The following HDAC1 variants were observed in gnomAD, a reference collection of about 807,000 sequenced individuals.
HDAC1 encodes protein deacetylase HDAC1.
A neutral mutation model predicts 65.5 loss-of-function variants in HDAC1; 18 were observed. That is an observed-to-expected ratio of 0.27 (90% CI 0.19 to 0.41). The LOEUF (loss-of-function observed/expected upper bound fraction) is 0.41. HDAC1 is among the 10% of genes least tolerant of loss of function. HDAC1 has a pLI of 1.00. For synonymous variants in HDAC1, 211 were observed against 227.9 expected (o/e 0.93, Z 0.67); for missense variants, 373 against 625.2 (o/e 0.60, Z 4.30).
At chr1:32,293,828 G>C (rs1219432497) in intron 1 of HDAC1, among the ~76,000 whole-genome samples, 1 of 151,796 alleles carries the variant, frequency 6.6e-6, no homozygotes, top group Non-Finnish European at 1.5e-5. Context: ...CTTGAACCCA[G>C]GAGGCAGAGG....
In HDAC1 at chr1:32,327,629, G is replaced by T; in HGVS notation, c.588G>T (p.Val196=). 1 of 1,614,072 alleles carries T rather than the reference G, an allele frequency of 6.2e-7. No individual in the cohort carries two copies. ...ACACCACGGACCGGGTCATGACTGT[G>T]TCCTTTCATAAGTATGGAGAGTACT... is the stretch of plus-strand genomic sequence containing the variant. ...AFYTTDRVMT[V]SFHKYGEYFP... The change falls in exon 6 of 14, where the codon GTG becomes GTT. Residue 196 remains valine (V), a synonymous_variant. Transcript: ENST00000373548. This position sits in a 1 kb window ranked among gnomAD's most constrained non-coding sequence, Gnocchi z 6.0.
Position 32,333,245 on chromosome 1 carries a change from T to C in HDAC1, c.*201T>C, listed in dbSNP as rs8176782. ...CCAGGAGCCACCTTGCCACCCATTC[T>C]TCCCGTTCTTAACTTTGAACCATAA... is the stretch of plus-strand genomic sequence containing the variant. On this transcript the variant is annotated 3_prime_UTR_variant, in exon 14 of 14. Coordinates refer to ENST00000373548, the MANE Select transcript of HDAC1 (RefSeq NM_004964.3). 2.7e-3 allele frequency: 1,294 copies of C among 471,070 alleles called. 12 individuals are homozygous for C. The highest frequency in any genetic ancestry group is 0.023 in the African/African-American group (1,164 of 50,300). The allele number at this position is 471,070 out of a possible 1,614,324, so 29.2% of individuals were successfully genotyped here. A position where few individuals can be genotyped will look rare whatever the true frequency, so the allele number is the denominator to read the frequency against.
rs1189647305 is a variant in HDAC1, at chr1:32,310,906, GAA to G, written c.163-5757_163-5756del. ...AAACAGGGAGAGGGAGGGAGAGAGA[GAA>G]AGACAAAGAAGGAAGGAAGAAAGGA... On this transcript the variant is annotated intron_variant, in intron 2 of 13. Transcript: ENST00000373548. Among the ~76,000 whole-genome samples the G allele has an allele frequency of 3.4e-5, 5 of 148,808 alleles. No homozygotes were observed. In the East Asian group the frequency reaches 9.8e-4, roughly 29 times the overall value.
At position 32,292,131 on chromosome 1, in the gene HDAC1, G is replaced by A. The variant is rs544927793; in HGVS notation, c.-39G>A. Reference sequence around the variant, plus strand: ...TGAGCGGAGCCGCGGGCGGGAGGGCGGACGGACCGACTGACGGTAGGGACG... The same window carrying A: ...TGAGCGGAGCCGCGGGCGGGAGGGCAGACGGACCGACTGACGGTAGGGACG... On this transcript the variant is annotated 5_prime_UTR_variant, in exon 1 of 14. Coordinates refer to ENST00000373548, the MANE Select transcript of HDAC1 (RefSeq NM_004964.3). 2.3e-5 allele frequency: 36 copies of A among 1,544,836 alleles called. No individual in the cohort carries two copies. In the East Asian group the frequency reaches 2.9e-4, roughly 13 times the overall value.
chr1:32,306,211 A>T (rs1469886435), intron 2 of HDAC1, among the ~76,000 whole-genome samples: 1 of 136,726 alleles, frequency 7.3e-6, no homozygotes, highest in African/African-American at 2.8e-5. Flanking sequence ...TTTTTTTGAG[A>T]CAGAGTTTTG....
chr1:32,328,929 G>A (rs952223346), intron 6 of HDAC1, 139 bp from the exon 7 acceptor site: 13 of 673,056 alleles, frequency 1.9e-5, no homozygotes, highest in African/African-American at 1.8e-4. Context: ...TACTAACAAG[G>A]TACCTCTGTT....
At chr1:32,309,204 T>C (rs1640953201) in intron 2 of HDAC1, among the ~76,000 whole-genome samples, 1 of 152,204 alleles carries the variant, frequency 6.6e-6, no homozygotes, top group Admixed American at 6.6e-5. Context: ...TAGAACCTGC[T>C]CCTGGCCTCC....
At chr1:32,312,061 G>A (rs1640999046) in intron 2 of HDAC1, among the ~76,000 whole-genome samples, 2 of 152,150 alleles carry the variant, frequency 1.3e-5, no homozygotes, top group African/African-American at 4.8e-5. Flanking sequence ...GCCCAGGCTG[G>A]CCTTGAACTC....
At chr1:32,323,279 C>T (rs540954550) in intron 3 of HDAC1, among the ~76,000 whole-genome samples, 1 of 151,806 alleles carries the variant, frequency 6.6e-6, no homozygotes, top group African/African-American at 2.4e-5. Context: ...CCAGCCTGGG[C>T]AACAAGAGCA....
At chr1:32,307,410 C>A (rs1308191908) in intron 2 of HDAC1, among the ~76,000 whole-genome samples, 1 of 152,114 alleles carries the variant, frequency 6.6e-6, no homozygotes, top group East Asian at 1.9e-4. Flanking sequence ...CATCACTACT[C>A]GTGGACTTTG....
At chr1:32,328,711 G>C (rs1264950498) in intron 6 of HDAC1, among the ~76,000 whole-genome samples, 1 of 152,208 alleles carries the variant, frequency 6.6e-6, no homozygotes, top group Non-Finnish European at 1.5e-5. Flanking sequence ...AGAGCTCTCT[G>C]GAGTGGAAAG....
intron 2 of HDAC1, among the ~76,000 whole-genome samples, chr1:32,313,608 G>T (rs1346012135): frequency 1.3e-5 from 2 of 152,182 alleles, no homozygotes; most frequent in East Asian, 1.9e-4. Context: ...TTTATAAACT[G>T]CAGAAAATAT....
chr1:32,332,030 G>A (rs1282569134), intron 11 of HDAC1, 60 bp from the exon 12 acceptor site: 1 of 1,490,064 alleles, frequency 6.7e-7, no homozygotes, highest in Admixed American at 2.5e-5. Context: ...ACTGGGCATA[G>A]ATGCTGAGCT....
At position 32,330,331 on chromosome 1, in the gene HDAC1, G is replaced by A. The variant is rs1222190876; in HGVS notation, c.730-247G>A. On this transcript the variant is annotated intron_variant, in intron 7 of 13. Transcript: ENST00000373548. This position sits in a 1 kb window ranked among gnomAD's most constrained non-coding sequence, Gnocchi z 4.2. ...ACAGAAGAGACTTAGGGAGTTGAGAGGGAGGCCATTCTAGGTTCAGTGTTA... is the reference window on the plus strand; with the variant it reads ...ACAGAAGAGACTTAGGGAGTTGAGAAGGAGGCCATTCTAGGTTCAGTGTTA... The A allele has an allele frequency of 6.3e-6, 3 of 473,818 alleles. No individual in the cohort carries two copies. Among genetic ancestry groups the A allele is most frequent in the East Asian group, 3.9e-5 (1 of 25,448 alleles). 29.4% of individuals were successfully genotyped at this position (473,818 alleles called of 1,614,324 possible).
chr1:32,292,220 T>A lies in HDAC1; in HGVS notation c.49+2T>A. On this transcript the variant is annotated splice_donor_variant, in intron 1 of 13. Transcript: ENST00000373548. LOFTEE classifies it high-confidence loss of function. ...GGAAAGTCTGTTACTACTACGACGG[T>A]GAGCACCGTCCTCGCGGCGGGGGCG... 2 of 1,548,532 alleles carry A rather than the reference T, an allele frequency of 1.3e-6. No individual in the cohort carries two copies. The highest frequency in any genetic ancestry group is 1.7e-6 in the Non-Finnish European group (2 of 1,146,278).
Position 32,329,412 on chromosome 1 carries a change from A to T in HDAC1, c.729+252A>T. On this transcript the variant is annotated intron_variant, in intron 7 of 13. Transcript: ENST00000373548. The surrounding 1 kb of genome is among the most constrained non-coding windows in gnomAD (Gnocchi z 4.1). Reference sequence around the variant, plus strand: ...GACATGATCTTTGCCCTCACGGACTATGGTGGGGAAGGCAGGCACATACCC... The same window carrying T: ...GACATGATCTTTGCCCTCACGGACTTTGGTGGGGAAGGCAGGCACATACCC... 1 of 578,438 alleles carries T rather than the reference A, an allele frequency of 1.7e-6. No homozygotes were observed. Among genetic ancestry groups the T allele is most frequent in the South Asian group, 2.0e-5 (1 of 49,068 alleles). The allele number at this position is 578,438 out of a possible 1,614,324, so 35.8% of individuals were successfully genotyped here. A position where few individuals can be genotyped will look rare whatever the true frequency, so the allele number is the denominator to read the frequency against.
In HDAC1 at chr1:32,330,646, A is replaced by G. The variant is rs1641278999; in HGVS notation, c.798A>G (p.Leu266=). Reference sequence around the variant, plus strand: ...TCTTACAGTGTGGCTCAGACTCCCTATCTGGGGATCGGTTAGGTTGCTTCA... The same window carrying G: ...TCTTACAGTGTGGCTCAGACTCCCTGTCTGGGGATCGGTTAGGTTGCTTCA... ...AVVLQCGSDS[L]SGDRLGCFNL... is the part of the protein sequence containing the mutation. Residue 266 remains leucine, a synonymous_variant, in exon 8 of 14, where the codon CTA becomes CTG. Coordinates refer to ENST00000373548, the MANE Select transcript of HDAC1 (RefSeq NM_004964.3). The surrounding 1 kb of genome is among the most constrained non-coding windows in gnomAD (Gnocchi z 4.2). 4 of 1,613,996 alleles carry G rather than the reference A, an allele frequency of 2.5e-6. No individual in the cohort carries two copies. Among genetic ancestry groups the G allele is most frequent in the Middle Eastern group, 3.3e-4 (2 of 6,062 alleles).
chr1:32,325,604 T>C (rs556819555), intron 4 of HDAC1, among the ~76,000 whole-genome samples: 1 of 152,368 alleles, frequency 6.6e-6, no homozygotes, highest in Non-Finnish European at 1.5e-5. Flanking sequence ...AACGAAATTG[T>C]CTGTAGTTTT....
Position 32,292,155 on chromosome 1 carries a change from C to T in HDAC1, c.-15C>T, listed in dbSNP as rs370738914. ...CGGACGGACCGACTGACGGTAGGGA[C>T]GGGAGGCGAGCAAGATGGCGCAGAC... On this transcript the variant is annotated 5_prime_UTR_variant, in exon 1 of 14. In the 5' UTR this introduces an upstream ATG that the reference lacks. Coordinates refer to ENST00000373548, the MANE Select transcript of HDAC1 (RefSeq NM_004964.3). 2 of 1,547,624 alleles carry T rather than the reference C, an allele frequency of 1.3e-6. No homozygotes were observed. Among genetic ancestry groups the T allele is most frequent in the Non-Finnish European group, 1.7e-6 (2 of 1,146,068 alleles).
Sources: gnomAD v4.1 joint callset for allele counts (sites outside exome capture counted in the v4.1 genomes callset) on GRCh38, gnomAD v4.1.1 for gene constraint, Gnocchi (gnomAD v3.1) non-coding constraint, MANE v1.5 for transcripts, NCBI Gene and HGNC (gene_info 2026-07-23, HGNC 2026-07-21) for gene names.